Variants in SCNN1B observed in about 807,000 individuals in gnomAD.
The protein encoded by SCNN1B is sodium channel epithelial 1 subunit beta, also known as epithelial sodium channel subunit beta.
A neutral mutation model predicts 65.3 loss-of-function variants in SCNN1B; 46 were observed. That is an observed-to-expected ratio of 0.70 (90% CI 0.56 to 0.90). The LOEUF (loss-of-function observed/expected upper bound fraction) is 0.90. SCNN1B is among the 40% of genes least tolerant of loss of function. SCNN1B has a pLI of 0.00. For synonymous variants in SCNN1B, 349 were observed against 330.6 expected (o/e 1.06, Z -0.60); for missense variants, 751 against 830.5 (o/e 0.90, Z 1.18).
At chr16:23,327,236 A>G (rs957393168) in intron 1 of SCNN1B, among the ~76,000 whole-genome samples, 2 of 152,132 alleles carry the variant, frequency 1.3e-5, no homozygotes, top group African/African-American at 2.4e-5. Flanking sequence ...TTTTTTAAAA[A>G]AACAAAAATA....
chr16:23,347,554 T>C (rs1321352685), intron 1 of SCNN1B, among the ~76,000 whole-genome samples: 4 of 152,198 alleles, frequency 2.6e-5, no homozygotes, highest in Non-Finnish European at 4.4e-5. Flanking sequence ...AATTTCTAAG[T>C]AAAGACCAAA....
chr16:23,285,989 A>G (rs1596805438), intron 2 of SCNN1B, among the ~76,000 whole-genome samples: 1 of 152,178 alleles, frequency 6.6e-6, no homozygotes, highest in Admixed American at 6.5e-5. Context: ...AATAAATACC[A>G]TTGAATGAAA....
intron 4 of SCNN1B, among the ~76,000 whole-genome samples, chr16:23,360,445 A>T (rs1962524219): frequency 6.6e-6 from 1 of 152,008 alleles, no homozygotes; most frequent in African/African-American, 2.4e-5. Flanking sequence ...GCTACTCTGG[A>T]GGCTGAGGGG....
chr16:23,292,059 T>C (rs571193202), intron 2 of SCNN1B, among the ~76,000 whole-genome samples: 142 of 152,250 alleles, frequency 9.3e-4, no homozygotes, highest in African/African-American at 3.2e-3. Context: ...TCCTGGGCAC[T>C]GTATCCAGAA....
At position 23,379,106 on chromosome 16, in the gene SCNN1B, A is replaced by G. The variant is rs981833227; in HGVS notation, c.1466+339A>G. On this transcript the variant is annotated intron_variant, in intron 11 of 12. Coordinates refer to ENST00000343070, the MANE Select transcript of SCNN1B (RefSeq NM_000336.3). ...CCATCCTCCACCCATTCATCCCTCC[A>G]TCATCCACCCACACACCCAGCCATC... is the stretch of plus-strand genomic sequence containing the variant. 4.2e-5 allele frequency among the ~76,000 whole-genome samples: 6 copies of G among 142,348 alleles called. No homozygotes were observed. The East Asian group carries it at 1.2e-3, about 28-fold the overall frequency. The allele number at this position is 142,348 out of a possible 152,430, so 93.4% of individuals were successfully genotyped here.
intron 7 of SCNN1B, among the ~76,000 whole-genome samples, chr16:23,372,626 TG>T (rs921964078): frequency 5.2e-4 from 79 of 151,526 alleles, no homozygotes; most frequent in Non-Finnish European, 1.0e-3. Flanking sequence ...CCCGTGTAGC[TG>T]GGACTACAGG....
intron 2 of SCNN1B, among the ~76,000 whole-genome samples, chr16:23,293,973 A>G (rs1960961725): frequency 6.6e-6 from 1 of 152,150 alleles, no homozygotes; most frequent in Non-Finnish European, 1.5e-5. Flanking sequence ...GCATATATGT[A>G]TATTTTGCCA....
rs763654234 is a variant in SCNN1B, at chr16:23,375,758, C to T, written c.1173C>T (p.Phe391=). ...CCCAGGCCTGTCTTCGCTCCTGCTTCCAAGACCACATGATCCGTAACTGCA... is the reference window on the plus strand; with the variant it reads ...CCCAGGCCTGTCTTCGCTCCTGCTTTCAAGACCACATGATCCGTAACTGCA... The part of the protein sequence containing the change: ...YSIQACLRSC[F]QDHMIRNCNC... The change falls in exon 8 of 13, where the codon TTC becomes TTT. Residue 391 remains phenylalanine, a synonymous_variant. Coordinates refer to ENST00000343070, the MANE Select transcript of SCNN1B (RefSeq NM_000336.3). The T allele has an allele frequency of 6.8e-6, 11 of 1,613,984 alleles. No individual in the cohort carries two copies. In the Admixed American group the frequency reaches 1.0e-4, roughly 15 times the overall value.
At chr16:23,284,344 G>T (rs1186507244) in intron 2 of SCNN1B, among the ~76,000 whole-genome samples, 1 of 152,146 alleles carries the variant, frequency 6.6e-6, no homozygotes, top group Non-Finnish European at 1.5e-5. Context: ...GGAGGAGATT[G>T]CAGTGAGCGG....
Position 23,348,838 on chromosome 16 carries a change from G to GC in SCNN1B, c.240dup (p.Val81ArgfsTer21). On this transcript the variant is annotated frameshift_variant, in exon 2 of 13. Coordinates refer to ENST00000343070, the MANE Select transcript of SCNN1B (RefSeq NM_000336.3). LOFTEE classifies it high-confidence loss of function. The surrounding 1 kb of genome is among the most constrained non-coding windows in gnomAD (Gnocchi z 4.5). ...AGGACCTACTTGAGCTGGGAGGTCAGCGTCTCCCTCTCCGTAGGCTTCAAG... is the reference window on the plus strand; with the variant it reads ...AGGACCTACTTGAGCTGGGAGGTCAGCCGTCTCCCTCTCCGTAGGCTTCAAG... 6.2e-7 allele frequency: 1 copy of GC among 1,614,190 alleles called. No homozygotes were observed. Among genetic ancestry groups the GC allele is most frequent in the Non-Finnish European group, 8.5e-7 (1 of 1,180,034 alleles).
Position 23,355,551 on chromosome 16 carries a change from G to A in SCNN1B, c.776+62G>A, listed in dbSNP as rs72654328. ...GCACCGAGAGACAGTGGCATGTTAC[G>A]GTTGGGAGCACAGCCTGCCAGGGTT... On this transcript the variant is annotated intron_variant, in intron 4 of 12. Coordinates refer to ENST00000343070, the MANE Select transcript of SCNN1B (RefSeq NM_000336.3). 938 of 1,549,412 alleles carry A rather than the reference G, an allele frequency of 6.1e-4. 4 individuals are homozygous for A. The African/African-American group carries it at 9.7e-3, about 16-fold the overall frequency.
At chr16:23,313,035 A>G (rs1470866702) in intron 1 of SCNN1B, among the ~76,000 whole-genome samples, 1 of 152,254 alleles carries the variant, frequency 6.6e-6, no homozygotes, top group Non-Finnish European at 1.5e-5. Context: ...CCTGAGTGCT[A>G]TAACACTAGT....
intron 1 of SCNN1B, among the ~76,000 whole-genome samples, chr16:23,341,208 A>G (rs1170839956): frequency 6.6e-6 from 1 of 152,186 alleles, no homozygotes; most frequent in Non-Finnish European, 1.5e-5. Context: ...AAGACAATTA[A>G]ATGGGAGAAA....
intron 5 of SCNN1B, 27 bp downstream of exon 5, chr16:23,367,986 G>C: frequency 6.5e-7 from 1 of 1,542,858 alleles, no homozygotes; most frequent in Non-Finnish European, 9.0e-7. Context: ...CGTGGGGCCA[G>C]AGCCATGAGG....
chr16:23,337,620 C>T (rs567279865), intron 1 of SCNN1B, among the ~76,000 whole-genome samples: 10 of 152,022 alleles, frequency 6.6e-5, no homozygotes, highest in Non-Finnish European at 1.2e-4. Context: ...TCAGGTGATC[C>T]ACTCACCTCG....
In SCNN1B at chr16:23,377,245, G is replaced by C. The variant is rs920034902; in HGVS notation, c.1346+5G>C. 6.2e-7 allele frequency: 1 copy of C among 1,614,108 alleles called. No homozygotes were observed. Among genetic ancestry groups the C allele is most frequent in the African/African-American group, 1.3e-5 (1 of 74,954 alleles). On this transcript the variant is annotated splice_donor_5th_base_variant and intron_variant, in intron 9 of 12. Transcript: ENST00000343070. ...CATGTGCAAGGAGTCCTGCAAGTGA[G>C]TGCGGGTGGGCGGGCACAGCAGCGG...
At position 23,310,795 on chromosome 16, in the gene SCNN1B, G is replaced by A. The variant is rs182137168; in HGVS notation, c.-9+8358G>A. The stretch of plus-strand genomic sequence containing the variant: ...AAGAAGTGTACATTGAATTCACACA[G>A]ATGAAAAGATTCTCAACTGCACTCC... On this transcript the variant is annotated intron_variant, in intron 1 of 12. Transcript: ENST00000343070. 2.6e-5 allele frequency among the ~76,000 whole-genome samples: 4 copies of A among 152,366 alleles called. No homozygotes were observed. In the East Asian group the frequency reaches 7.7e-4, roughly 29 times the overall value.
intron 1 of SCNN1B, among the ~76,000 whole-genome samples, chr16:23,334,933 G>C (rs946374059): frequency 6.6e-6 from 1 of 152,172 alleles, no homozygotes; most frequent in Non-Finnish European, 1.5e-5. Context: ...TAGTATTATG[G>C]AACAGTTTAA....
At chr16:23,318,835 A>G (rs1429468368) in intron 1 of SCNN1B, among the ~76,000 whole-genome samples, 2 of 152,198 alleles carry the variant, frequency 1.3e-5, no homozygotes, top group African/African-American at 4.8e-5. Flanking sequence ...TCCTGCCAGC[A>G]TCATGGAGGA....
Sources: allele counts gnomAD v4.1 joint callset (sites outside exome capture counted in the v4.1 genomes callset), GRCh38; gene constraint gnomAD v4.1.1; non-coding constraint Gnocchi (gnomAD v3.1); transcripts MANE v1.5; gene names NCBI Gene and HGNC (gene_info 2026-07-23, HGNC 2026-07-21).